MARCHF8: variants seen among roughly 807,000 people sequenced by gnomAD.
The protein encoded by MARCHF8 is membrane associated ring-CH-type finger 8.
MARCHF8 carries 40 observed loss-of-function variants against 51.6 expected under a neutral mutation model. That is an observed-to-expected ratio of 0.77 (90% CI 0.60 to 1.01). The LOEUF is 1.01. Among genes scored for constraint, MARCHF8 ranks in the 50% least tolerant of loss-of-function variants. MARCHF8 has a pLI of 0.00. For synonymous variants in MARCHF8, 263 were observed against 280.3 expected (o/e 0.94, Z 0.62); for missense variants, 685 against 708.6 (o/e 0.97, Z 0.38).
chr10:45,491,956 C>G (rs750112261), intron 2 of MARCHF8, among the ~76,000 whole-genome samples: 5 of 152,190 alleles, frequency 3.3e-5, no homozygotes, highest in African/African-American at 4.8e-5. Context: ...ATTAATTATT[C>G]AACAGAGAAT....
At chr10:45,485,193 C>T (rs998982596) in intron 3 of MARCHF8, among the ~76,000 whole-genome samples, 11 of 151,992 alleles carry the variant, frequency 7.2e-5, no homozygotes, top group African/African-American at 2.7e-4. Flanking sequence ...TAGGGGTAAA[C>T]AAAGCATGGC....
intron 2 of MARCHF8, among the ~76,000 whole-genome samples, chr10:45,512,279 G>C (rs1019128550): frequency 6.7e-6 from 1 of 149,558 alleles, no homozygotes; most frequent in East Asian, 2.0e-4. Flanking sequence ...GAGCCCCTAC[G>C]CCCGGCAGCC....
intron 2 of MARCHF8, among the ~76,000 whole-genome samples, chr10:45,516,463 T>C (rs896267219): frequency 1.3e-5 from 2 of 151,900 alleles, no homozygotes; most frequent in Non-Finnish European, 2.9e-5. Flanking sequence ...ACTGATTGAT[T>C]ATTAAGAATC....
chr10:45,522,782 C>T (rs1003923577), intron 2 of MARCHF8, among the ~76,000 whole-genome samples: 1 of 152,094 alleles, frequency 6.6e-6, no homozygotes, highest in East Asian at 1.9e-4. Flanking sequence ...GAAAAACACA[C>T]AAATTCGGCA....
At chr10:45,521,090 A>G (rs1173069632) in intron 2 of MARCHF8, among the ~76,000 whole-genome samples, 2 of 152,204 alleles carry the variant, frequency 1.3e-5, no homozygotes, top group Non-Finnish European at 2.9e-5. Context: ...CATCACTTGA[A>G]ACTCACTCTG....
At position 45,458,521 on chromosome 10, in the gene MARCHF8, C is replaced by T. The variant is rs1011739124; in HGVS notation, c.1440G>A (p.Trp480Ter). 6.3e-7 allele frequency: 1 copy of T among 1,597,000 alleles called. No individual in the cohort carries two copies. The highest frequency in any genetic ancestry group is 8.5e-7 in the Non-Finnish European group (1 of 1,172,560). The change falls in exon 8 of 8, where the codon TGG becomes TGA. Residue 480 changes from tryptophan to a stop codon, truncating the protein, a stop_gained. Transcript: ENST00000453424. LOFTEE classifies it high-confidence loss of function. ...QATGILEWPFWTKLVVVAIGF... is the reference protein window; with the variant it reads ...QATGILEWPF ...CGATGGCCACAACCACCAATTTAGT[C>T]CAAAAGGGCCATTCTAGGATTCCTG... is the stretch of plus-strand genomic sequence containing the variant.
rs1842571928 is a variant in MARCHF8, at chr10:45,455,462, C to G, written c.*2777G>C. ...CCTTCCCTGGCCTACAAATACCAGGCCTCCTGGCCCTGAGACCTCATTCTG... is the reference window on the plus strand; with the variant it reads ...CCTTCCCTGGCCTACAAATACCAGGGCTCCTGGCCCTGAGACCTCATTCTG... On this transcript the variant is annotated 3_prime_UTR_variant, in exon 8 of 8. Coordinates refer to ENST00000453424, the MANE Select transcript of MARCHF8 (RefSeq NM_001282866.2). The G allele has an allele frequency of 6.6e-6, 1 of 152,138 alleles. No homozygotes were observed. Among genetic ancestry groups the G allele is most frequent in the Admixed American group, 6.6e-5 (1 of 15,256 alleles). 9.4% of individuals were successfully genotyped at this position (152,138 alleles called of 1,614,324 possible).
At chr10:45,498,874 C>A (rs943184437) in intron 2 of MARCHF8, among the ~76,000 whole-genome samples, 1 of 152,202 alleles carries the variant, frequency 6.6e-6, no homozygotes, top group Non-Finnish European at 1.5e-5. Context: ...TGTATTGCTT[C>A]CACCCTTTGG....
chr10:45,468,871 T>C (rs1843060857), intron 3 of MARCHF8, among the ~76,000 whole-genome samples: 1 of 152,186 alleles, frequency 6.6e-6, no homozygotes, highest in Non-Finnish European at 1.5e-5. Context: ...TGCTTATACA[T>C]TGCTGGTGGG....
chr10:45,571,376 G>A lies in MARCHF8; in HGVS notation c.-79+22859C>T, dbSNP rs575132761. 5.9e-5 allele frequency among the ~76,000 whole-genome samples: 9 copies of A among 151,554 alleles called. No individual in the cohort carries two copies. The East Asian group carries it at 1.2e-3, about 20-fold the overall frequency. ...CCCCCACTGAGCACCTTGTGACCCC[G>A]ACCCCTGCCCACCAAAGAACAACCC... is the stretch of plus-strand genomic sequence containing the variant. On this transcript the variant is annotated intron_variant, in intron 1 of 6. Transcript: ENST00000319836.
At chr10:45,588,699 A>G (rs2044644107) in intron 1 of MARCHF8, among the ~76,000 whole-genome samples, 1 of 152,128 alleles carries the variant, frequency 6.6e-6, no homozygotes, top group Non-Finnish European at 1.5e-5. Flanking sequence ...AAAATAATGA[A>G]TAAAAGAATC....
chr10:45,464,553 A>G (rs904493156), intron 3 of MARCHF8, among the ~76,000 whole-genome samples: 4 of 152,252 alleles, frequency 2.6e-5, no homozygotes, highest in African/African-American at 9.6e-5. Flanking sequence ...GCTATGGAAC[A>G]CCACTACTAA....
chr10:45,560,925 A>G (rs962673858), intron 1 of MARCHF8, among the ~76,000 whole-genome samples: 5 of 152,236 alleles, frequency 3.3e-5, no homozygotes, highest in African/African-American at 9.6e-5. Context: ...TATAAGATAC[A>G]TACAAGGATA....
rs138249794 is a variant in MARCHF8 at position 45,458,244 on chromosome 10, C to A, written c.1717G>T (p.Val573Phe). Residue 573 changes from valine (V) to phenylalanine (F), a missense_variant, in exon 8 of 8, where the codon GTC (valine) becomes TTC (phenylalanine). Val to Phe is a conservative substitution (Grantham distance 50). Transcript: ENST00000453424. ...PEDTGAEIIH[V>F] Reference sequence around the variant, plus strand: ...AAATGACAACCCGCACACAATCAGACGTGAATGATTTCTGCTCCAGTGTCT... The same window carrying A: ...AAATGACAACCCGCACACAATCAGAAGTGAATGATTTCTGCTCCAGTGTCT... 1.2e-6 allele frequency: 2 copies of A among 1,608,218 alleles called. No homozygotes were observed. The highest frequency in any genetic ancestry group is 4.5e-5 in the East Asian group (2 of 44,832).
At chr10:45,471,388 A>G (rs141854067) in intron 3 of MARCHF8, among the ~76,000 whole-genome samples, 349 of 152,326 alleles carry the variant, frequency 2.3e-3, no homozygotes, top group Non-Finnish European at 3.6e-3. Context: ...TTTGTTTTCA[A>G]TAAATTACAT....
At chr10:45,517,998 T>A (rs1445536125) in intron 2 of MARCHF8, among the ~76,000 whole-genome samples, 1 of 152,248 alleles carries the variant, frequency 6.6e-6, no homozygotes, top group Non-Finnish European at 1.5e-5. Flanking sequence ...CTATGTTTCT[T>A]GAATATTTTA....
chr10:45,486,000 T>G (rs1422543399), intron 3 of MARCHF8, among the ~76,000 whole-genome samples: 1 of 152,194 alleles, frequency 6.6e-6, no homozygotes, highest in Non-Finnish European at 1.5e-5. Flanking sequence ...TCAAAAACAG[T>G]TATCTTCCAC....
intron 6 of MARCHF8, chr10:45,460,994 C>A: frequency 2.7e-6 from 1 of 376,264 alleles, no homozygotes; most frequent in Non-Finnish European, 4.7e-6. Context: ...GACAAGCAAG[C>A]AGTCTTACTT....
Position 45,458,511 on chromosome 10 carries a change from C to T in MARCHF8, c.1450G>A (p.Val484Met), listed in dbSNP as rs777906312. 3 of 1,603,694 alleles carry T rather than the reference C, an allele frequency of 1.9e-6. No homozygotes were observed. Among genetic ancestry groups the T allele is most frequent in the Non-Finnish European group, 2.6e-6 (3 of 1,175,452 alleles). ...ILEWPFWTKLVVVAIGFTGGL... is the reference protein window; with the variant it reads ...ILEWPFWTKLMVVAIGFTGGL... ...CCGGTGAAGCCGATGGCCACAACCA[C>T]CAATTTAGTCCAAAAGGGCCATTCT... is the stretch of plus-strand genomic sequence containing the variant. The change falls in exon 8 of 8, where the codon GTG (valine) becomes ATG (methionine). Residue 484 changes from valine (V) to methionine (M), a missense_variant. Coordinates refer to ENST00000453424, the MANE Select transcript of MARCHF8 (RefSeq NM_001282866.2).
Sources: gnomAD v4.1 joint callset for allele counts (sites outside exome capture counted in the v4.1 genomes callset) on GRCh38, gnomAD v4.1.1 for gene constraint, MANE v1.5 for transcripts, NCBI Gene and HGNC (gene_info 2026-07-23, HGNC 2026-07-21) for gene names.